The following SLC4A10 variants were observed in gnomAD, a reference collection of about 807,000 sequenced individuals.
SLC4A10 encodes sodium-driven chloride bicarbonate exchanger.
Under a neutral mutation model 137.7 loss-of-function variants are expected in SLC4A10, and 42 were observed. The observed-to-expected ratio is 0.30, with a 90% CI of 0.24 to 0.39. SLC4A10 has a LOEUF of 0.39. SLC4A10 is among the 10% of genes least tolerant of loss of function. The pLI is 1.00. For synonymous variants in SLC4A10, 474 were observed against 464.1 expected, an observed-to-expected ratio of 1.02 and a Z score of -0.27; for missense variants, 925 against 1,355.0, an observed-to-expected ratio of 0.68 and a Z score of 4.98.
intron 5 of SLC4A10, among the ~76,000 whole-genome samples, chr2:161,860,319 C>T (rs915137419): frequency 6.6e-6 from 1 of 152,042 alleles, no homozygotes; most frequent in African/African-American, 2.4e-5. Flanking sequence ...TGACCTATGG[C>T]TTTTTTAGTG....
At chr2:161,859,377 G>A (rs2060284852) in intron 5 of SLC4A10, among the ~76,000 whole-genome samples, 3 of 147,968 alleles carry the variant, frequency 2.0e-5, no homozygotes, top group Admixed American at 1.4e-4. Context: ...TGCAGCCTCC[G>A]CCTCCTGGGT....
chr2:161,682,570 C>T (rs1452314712), intron 1 of SLC4A10, among the ~76,000 whole-genome samples: 1 of 151,918 alleles, frequency 6.6e-6, no homozygotes, highest in Non-Finnish European at 1.5e-5. Flanking sequence ...TATGACACAC[C>T]ACCCTAAAAG....
intron 16 of SLC4A10, among the ~76,000 whole-genome samples, chr2:161,945,023 C>A (rs1693480597): frequency 6.6e-6 from 1 of 150,794 alleles, no homozygotes; most frequent in Non-Finnish European, 1.5e-5. Flanking sequence ...GCCAACTCAG[C>A]AAGGGCAAAG....
chr2:161,633,774 A>G (rs999852595), intron 1 of SLC4A10, among the ~76,000 whole-genome samples: 5 of 151,794 alleles, frequency 3.3e-5, no homozygotes, highest in Non-Finnish European at 5.9e-5. Context: ...AAGTATGTCA[A>G]TGATATAAAT....
chr2:161,885,813 T>C, intron 10 of SLC4A10, among the ~76,000 whole-genome samples: 1 of 152,150 alleles, frequency 6.6e-6, no homozygotes, highest in East Asian at 1.9e-4. Context: ...CATTTAAAAA[T>C]AATAATAGAA....
At chr2:161,813,966 G>A (rs896150334) in intron 3 of SLC4A10, among the ~76,000 whole-genome samples, 1 of 152,012 alleles carries the variant, frequency 6.6e-6, no homozygotes, top group Admixed American at 6.6e-5. Context: ...TTCTTCTGTG[G>A]AGCTGTTGAT....
chr2:161,727,010 A>G (rs1193364565), intron 1 of SLC4A10, among the ~76,000 whole-genome samples: 1 of 152,246 alleles, frequency 6.6e-6, no homozygotes, highest in African/African-American at 2.4e-5. Context: ...CACTTCAGAT[A>G]GCCATGCAAA....
At chr2:161,767,535 G>A (rs1472573209) in intron 1 of SLC4A10, among the ~76,000 whole-genome samples, 1 of 151,790 alleles carries the variant, frequency 6.6e-6, no homozygotes, top group Non-Finnish European at 1.5e-5. Flanking sequence ...TCTAAGAATG[G>A]TGGAACTTGC....
chr2:161,961,529 ATT>A (rs1696713810), intron 21 of SLC4A10, among the ~76,000 whole-genome samples: 1 of 140,882 alleles, frequency 7.1e-6, no homozygotes, highest in Non-Finnish European at 1.5e-5. Context: ...GGTTTTGTTT[ATT>A]TGTTTTTCTT....
chr2:161,897,096 T>C (rs935088345), intron 11 of SLC4A10, among the ~76,000 whole-genome samples: 4 of 152,112 alleles, frequency 2.6e-5, no homozygotes, highest in African/African-American at 9.7e-5. Flanking sequence ...ATTCTTATAT[T>C]TGTATTGCTT....
intron 1 of SLC4A10, among the ~76,000 whole-genome samples, chr2:161,720,063 A>G (rs1291674195): frequency 5.3e-5 from 8 of 152,164 alleles, no homozygotes; most frequent in African/African-American, 1.9e-4. Context: ...TCTTGAATTA[A>G]TTTTTGTATA....
At chr2:161,638,066 TC>T (rs886919393) in intron 1 of SLC4A10, among the ~76,000 whole-genome samples, 4 of 152,176 alleles carry the variant, frequency 2.6e-5, no homozygotes, top group African/African-American at 9.7e-5. Context: ...GCAAGTGTTT[TC>T]TCCAATTAAG....
intron 15 of SLC4A10, among the ~76,000 whole-genome samples, chr2:161,925,467 G>A (rs1053648684): frequency 9.9e-5 from 15 of 151,804 alleles, no homozygotes; most frequent in African/African-American, 1.9e-4. Flanking sequence ...TCTTCCTAGC[G>A]GTCTATCAAT....
intron 1 of SLC4A10, among the ~76,000 whole-genome samples, chr2:161,770,186 T>G (rs975812608): frequency 3.3e-5 from 5 of 151,916 alleles, no homozygotes; most frequent in African/African-American, 1.2e-4. Context: ...TAGATAAAAG[T>G]TGGAAATATA....
At chr2:161,754,185 A>T (rs2049328003) in intron 1 of SLC4A10, among the ~76,000 whole-genome samples, 1 of 152,038 alleles carries the variant, frequency 6.6e-6, no homozygotes, top group South Asian at 2.1e-4. Context: ...TACAGGTGTA[A>T]ACCACTGCGT....
At chr2:161,638,584 C>T (rs991820810) in intron 1 of SLC4A10, among the ~76,000 whole-genome samples, 2 of 151,910 alleles carry the variant, frequency 1.3e-5, no homozygotes, top group Non-Finnish European at 2.9e-5. Context: ...CTTCTTTTTG[C>T]TCAGATATCT....
chr2:161,774,153 A>T (rs1461627111), intron 2 of SLC4A10, among the ~76,000 whole-genome samples: 1 of 151,946 alleles, frequency 6.6e-6, no homozygotes, highest in African/African-American at 2.4e-5. Flanking sequence ...GATTCTGAGT[A>T]AAGCAAAAAT....
chr2:161,973,216 TC>T (rs1448452663), intron 23 of SLC4A10, among the ~76,000 whole-genome samples: 8 of 152,168 alleles, frequency 5.3e-5, no homozygotes, highest in African/African-American at 1.9e-4. Flanking sequence ...AAATTCCATT[TC>T]TGGGGTTAGA....
chr2:161,947,034 C>T (rs1027757748), intron 16 of SLC4A10, among the ~76,000 whole-genome samples: 4 of 152,106 alleles, frequency 2.6e-5, no homozygotes, highest in African/African-American at 9.7e-5. Flanking sequence ...CTGCAGAAAT[C>T]GTGTTTGTAT....
Sources: allele counts gnomAD v4.1 joint callset (sites outside exome capture counted in the v4.1 genomes callset), GRCh38; gene constraint gnomAD v4.1.1; transcripts MANE v1.5; gene names NCBI Gene and HGNC (gene_info 2026-07-23, HGNC 2026-07-21).